The following SEMA6D variants were observed in gnomAD, a reference collection of about 807,000 sequenced individuals.
SEMA6D encodes the protein semaphorin-6D.
SEMA6D carries 35 observed loss-of-function variants against 106.6 expected under a neutral mutation model. The ratio of observed to expected loss-of-function variants is 0.33; its 90% confidence interval spans 0.25 to 0.44. The LOEUF (loss-of-function observed/expected upper bound fraction) is 0.44. Among genes scored for constraint, SEMA6D ranks in the 20% least tolerant of loss-of-function variants. The probability of loss-of-function intolerance (pLI) is 1.00; values close to 1 mark genes in which losing one functional copy is unlikely to be tolerated. For synonymous variants in SEMA6D, 499 were observed against 487.7 expected (o/e 1.02, Z -0.31); for missense variants, 1,185 against 1,345.9 (o/e 0.88, Z 1.87).
chr15:47,433,770 A>G (rs1024827480), intron 2 of SEMA6D, among the ~76,000 whole-genome samples: 3 of 152,142 alleles, frequency 2.0e-5, no homozygotes, highest in Non-Finnish European at 2.9e-5. Flanking sequence ...ATTCCTGGAT[A>G]ACTCTTAGTC....
At chr15:47,235,106 A>G (rs1467897619) in intron 1 of SEMA6D, among the ~76,000 whole-genome samples, 1 of 151,720 alleles carries the variant, frequency 6.6e-6, no homozygotes. Context: ...GATGTTATAC[A>G]TTTTTCTCAT....
chr15:47,536,645 A>G (rs2045177596), intron 3 of SEMA6D, among the ~76,000 whole-genome samples: 3 of 152,208 alleles, frequency 2.0e-5, no homozygotes, highest in Admixed American at 1.3e-4. Flanking sequence ...TTTCCAGGGT[A>G]AATATTGATT....
chr15:47,509,825 C>G (rs1020494847), intron 3 of SEMA6D, among the ~76,000 whole-genome samples: 1 of 152,164 alleles, frequency 6.6e-6, no homozygotes, highest in Non-Finnish European at 1.5e-5. Context: ...AATGTTCAGG[C>G]CATATCCAAA....
intron 4 of SEMA6D, among the ~76,000 whole-genome samples, chr15:47,711,079 G>C (rs2079008423): frequency 6.6e-6 from 1 of 152,062 alleles, no homozygotes; most frequent in African/African-American, 2.4e-5. Flanking sequence ...GGAGGCCGAG[G>C]CGGGCGGATC....
chr15:47,233,512 A>G (rs572884946), intron 1 of SEMA6D, among the ~76,000 whole-genome samples: 32 of 152,160 alleles, frequency 2.1e-4, no homozygotes, highest in African/African-American at 7.5e-4. Flanking sequence ...GTATCTGTCA[A>G]TTTGGAGAGT....
At chr15:47,374,476 C>G (rs941208113) in intron 1 of SEMA6D, among the ~76,000 whole-genome samples, 1 of 152,112 alleles carries the variant, frequency 6.6e-6, no homozygotes, top group African/African-American at 2.4e-5. Context: ...AATTCATTGC[C>G]TCCTTGATTC....
At chr15:47,267,871 A>C (rs1476880174) in intron 1 of SEMA6D, among the ~76,000 whole-genome samples, 1 of 151,928 alleles carries the variant, frequency 6.6e-6, no homozygotes, top group Non-Finnish European at 1.5e-5. Flanking sequence ...ATTTTACGTT[A>C]CTTATCTTTT....
chr15:47,354,438 G>A (rs916776991), intron 1 of SEMA6D, among the ~76,000 whole-genome samples: 4 of 146,500 alleles, frequency 2.7e-5, no homozygotes, highest in Non-Finnish European at 6.0e-5. Context: ...TATATATATG[G>A]AACAAGAGAC....
At chr15:47,266,186 T>C (rs749459722) in intron 1 of SEMA6D, among the ~76,000 whole-genome samples, 1 of 152,094 alleles carries the variant, frequency 6.6e-6, no homozygotes, top group Non-Finnish European at 1.5e-5. Flanking sequence ...CCAATGAATC[T>C]CCTAATTTAC....
At chr15:47,493,722 T>C (rs985874761) in intron 3 of SEMA6D, among the ~76,000 whole-genome samples, 4 of 152,270 alleles carry the variant, frequency 2.6e-5, no homozygotes, top group African/African-American at 9.6e-5. Flanking sequence ...CTACAATCTC[T>C]TGTATAGAGG....
intron 1 of SEMA6D, among the ~76,000 whole-genome samples, chr15:47,370,978 C>A (rs2039252444): frequency 6.6e-6 from 1 of 152,186 alleles, no homozygotes; most frequent in Non-Finnish European, 1.5e-5. Flanking sequence ...TTATAAAGGA[C>A]TCTGATACAG....
chr15:47,217,970 A>G (rs991635399), intron 1 of SEMA6D, among the ~76,000 whole-genome samples: 19 of 151,586 alleles, frequency 1.3e-4, no homozygotes, highest in African/African-American at 4.6e-4. Context: ...GGAAGGTATC[A>G]CTTTGAAGTC....
At position 47,423,585 on chromosome 15, in the gene SEMA6D, A is replaced by G. The variant is rs201708427; in HGVS notation, c.-159+11113A>G. On this transcript the variant is annotated intron_variant, in intron 2 of 19. Coordinates refer to the SEMA6D transcript ENST00000558014. ...GATGACATACTAAAGAAAAACAGCA[A>G]CTACAAATACATAGGATAAAGAAAT... Among the ~76,000 whole-genome samples the G allele has an allele frequency of 4.6e-5, 7 of 152,124 alleles. No homozygotes were observed. The East Asian group carries it at 1.3e-3, about 29-fold the overall frequency.
chr15:47,341,824 T>C (rs2037824694), intron 1 of SEMA6D, among the ~76,000 whole-genome samples: 1 of 152,102 alleles, frequency 6.6e-6, no homozygotes, highest in African/African-American at 2.4e-5. Context: ...TTGTGCCTTC[T>C]GGGAAGGTCA....
At chr15:47,508,726 C>G (rs775604559) in intron 3 of SEMA6D, among the ~76,000 whole-genome samples, 2 of 152,190 alleles carry the variant, frequency 1.3e-5, no homozygotes, top group Non-Finnish European at 2.9e-5. Context: ...GAGTACACAC[C>G]TAGTGTAGTG....
intron 1 of SEMA6D, among the ~76,000 whole-genome samples, chr15:47,367,851 G>A (rs544029176): frequency 2.0e-5 from 3 of 152,126 alleles, no homozygotes; most frequent in African/African-American, 4.8e-5. Flanking sequence ...ATGTTGGAGC[G>A]ATGCTTTCTG....
At chr15:47,269,779 A>G (rs989029609) in intron 1 of SEMA6D, among the ~76,000 whole-genome samples, 3 of 152,154 alleles carry the variant, frequency 2.0e-5, no homozygotes, top group African/African-American at 7.2e-5. Context: ...CTTTAATTGC[A>G]TGTTATAATA....
intron 1 of SEMA6D, among the ~76,000 whole-genome samples, chr15:47,372,441 C>G (rs762479472): frequency 2.0e-5 from 3 of 152,168 alleles, no homozygotes; most frequent in Non-Finnish European, 4.4e-5. Flanking sequence ...AGAACTGGAC[C>G]TGATGAAATA....
intron 1 of SEMA6D, among the ~76,000 whole-genome samples, chr15:47,191,945 A>G (rs774498718): frequency 2.0e-5 from 3 of 152,196 alleles, no homozygotes; most frequent in Non-Finnish European, 4.4e-5. Flanking sequence ...CAAGGTTATC[A>G]TAGCACTCTG....
Sources: gnomAD v4.1 joint callset for allele counts (sites outside exome capture counted in the v4.1 genomes callset) on GRCh38, gnomAD v4.1.1 for gene constraint, MANE v1.5 for transcripts, NCBI Gene and HGNC (gene_info 2026-07-23, HGNC 2026-07-21) for gene names.